The following RTL4 variants were observed in gnomAD, a reference collection of about 807,000 sequenced individuals.
The protein encoded by RTL4 is retrotransposon Gag like 4.
In RTL4, 4 loss-of-function variants were observed where a neutral mutation model predicts 5.3. That is an observed-to-expected ratio of 0.75 (90% confidence interval 0.37 to 1.72). RTL4 has a LOEUF of 1.72. RTL4 is among the 40% of genes most tolerant of loss of function. RTL4 has a pLI of 0.04. For missense variants in RTL4, 260 were observed against 227.1 expected (o/e 1.14, Z -0.93); for synonymous variants, 98 against 87.3 (o/e 1.12, Z -0.68).
rs202145443 is a variant in RTL4, at chrX:112,454,804, C to T, written c.76C>T (p.Arg26Trp). 232 of 1,207,227 alleles carry T rather than the reference C, an allele frequency of 1.9e-4. No individual in the cohort carries two copies. The highest frequency in any genetic ancestry group is 2.4e-4 in the Non-Finnish European group (213 of 894,207). Residue 26 changes from arginine to tryptophan, a missense_variant, in exon 1 of 1, where the codon CGG (arginine) becomes TGG (tryptophan). Physicochemically the swap from Arg to Trp is moderately radical, Grantham distance 101. Coordinates refer to ENST00000340433, the Ensembl canonical transcript of RTL4. ...TCTTCAGGCAGAGAATCTGATTCTG[C>T]GGCTTCAAATGCAGCATCCAACCAC... is the stretch of plus-strand genomic sequence containing the variant.
At chrX:112,091,563 T>C in the RTL4 span, among the ~76,000 whole-genome samples, 1 of 112,147 alleles carries the variant, frequency 8.9e-6, no homozygotes, top group Admixed American at 9.5e-5. Flanking sequence ...CTTCTGTTAT[T>C]GATTTCTGTT....
chrX:112,101,722 A>C, the RTL4 span, among the ~76,000 whole-genome samples: 2 of 111,424 alleles, frequency 1.8e-5, no homozygotes, highest in Non-Finnish European at 3.8e-5. Context: ...TGACTTTATT[A>C]ATAATAGGAT....
At chrX:112,243,791 G>C in the RTL4 span, among the ~76,000 whole-genome samples, 1 of 110,938 alleles carries the variant, frequency 9.0e-6, no homozygotes, top group Non-Finnish European at 1.9e-5. Flanking sequence ...GTGATGTTAG[G>C]GTGTCCATTT....
the RTL4 span, among the ~76,000 whole-genome samples, chrX:112,142,569 C>T: frequency 9.0e-6 from 1 of 111,726 alleles, no homozygotes; most frequent in Non-Finnish European, 1.9e-5. Flanking sequence ...CTAGGTTGGC[C>T]ATGCCCAAAG....
the RTL4 span, among the ~76,000 whole-genome samples, chrX:112,242,126 G>A: frequency 9.0e-6 from 1 of 111,644 alleles, no homozygotes; most frequent in Admixed American, 9.5e-5. Context: ...AAGTCAGGTA[G>A]CGTGATGCCT....
the RTL4 span, among the ~76,000 whole-genome samples, chrX:112,415,345 G>T: frequency 1.1e-5 from 1 of 88,546 alleles, no homozygotes; most frequent in Non-Finnish European, 2.3e-5. Context: ...ATTCAAAATT[G>T]TTTGGGATAT....
chrX:112,364,835 AAT>A, the RTL4 span, among the ~76,000 whole-genome samples: 1 of 112,284 alleles, frequency 8.9e-6, no homozygotes, highest in Non-Finnish European at 1.9e-5. Flanking sequence ...TACTACCATG[AAT>A]GTTTTTGACA....
chrX:112,263,117 T>C, the RTL4 span, among the ~76,000 whole-genome samples: 3 of 103,643 alleles, frequency 2.9e-5, no homozygotes, highest in East Asian at 9.2e-4. Context: ...GACGAGTTAA[T>C]GGGTGCAACA....
the RTL4 span, among the ~76,000 whole-genome samples, chrX:112,185,852 A>G: frequency 1.8e-5 from 2 of 110,737 alleles, no homozygotes; most frequent in African/African-American, 6.6e-5. Context: ...TAGTTTATAG[A>G]TAGTAAGGGA....
chrX:112,330,276 A>G, the RTL4 span, among the ~76,000 whole-genome samples: 11 of 107,850 alleles, frequency 1.0e-4, no homozygotes, highest in Non-Finnish European at 1.5e-4. Context: ...GTCTCAGCCC[A>G]AAATCTCCTT....
At chrX:112,443,056 T>G in the RTL4 span, among the ~76,000 whole-genome samples, 2 of 111,723 alleles carry the variant, frequency 1.8e-5, no homozygotes, top group African/African-American at 6.5e-5. Context: ...CATCCTCACC[T>G]CCACCAACAA....
At chrX:112,122,300 G>A in the RTL4 span, among the ~76,000 whole-genome samples, 1 of 111,284 alleles carries the variant, frequency 9.0e-6, no homozygotes, top group South Asian at 3.8e-4. Flanking sequence ...TGAACTGGAG[G>A]TCATTATGTT....
chrX:112,323,577 G>A, the RTL4 span, among the ~76,000 whole-genome samples: 1 of 109,717 alleles, frequency 9.1e-6, no homozygotes, highest in African/African-American at 3.3e-5. Flanking sequence ...CTGCAACCTC[G>A]ACCTCCCTGA....
chrX:112,316,106 G>A, the RTL4 span, among the ~76,000 whole-genome samples: 4 of 111,658 alleles, frequency 3.6e-5, no homozygotes, highest in East Asian at 2.8e-4. Context: ...CCAACCCTCC[G>A]CATTATCCAA....
the RTL4 span, among the ~76,000 whole-genome samples, chrX:112,281,412 G>A: frequency 8.9e-6 from 1 of 111,835 alleles, no homozygotes; most frequent in Non-Finnish European, 1.9e-5. Flanking sequence ...GGTTGATTCC[G>A]TATTTGGGCT....
the RTL4 span, among the ~76,000 whole-genome samples, chrX:112,234,148 C>T: frequency 4.5e-5 from 5 of 110,635 alleles, no homozygotes; most frequent in Admixed American, 9.6e-5. Context: ...GCTGAGATTG[C>T]GCCACTGCAC....
At chrX:112,144,429 G>A in the RTL4 span, among the ~76,000 whole-genome samples, 7 of 111,482 alleles carry the variant, frequency 6.3e-5, no homozygotes, top group Non-Finnish European at 1.3e-4. Context: ...GATCTGAGGA[G>A]GGACCACATA....
At chrX:112,369,690 C>T in the RTL4 span, among the ~76,000 whole-genome samples, 1 of 111,890 alleles carries the variant, frequency 8.9e-6, no homozygotes, top group African/African-American at 3.2e-5. Context: ...ATTTAAGGTG[C>T]TTAGGGGTTT....
the RTL4 span, among the ~76,000 whole-genome samples, chrX:112,214,739 T>C: frequency 8.9e-6 from 1 of 112,025 alleles, no homozygotes; most frequent in African/African-American, 3.2e-5. Context: ...GATATCTGAT[T>C]GTGGTTTTGA....
Sources: allele counts gnomAD v4.1 joint callset (sites outside exome capture counted in the v4.1 genomes callset), GRCh38; gene constraint gnomAD v4.1.1; transcripts MANE v1.5; gene names NCBI Gene and HGNC (gene_info 2026-07-23, HGNC 2026-07-21).